The following HMGA2 variants were observed in gnomAD, a reference collection of about 807,000 sequenced individuals.
HMGA2 encodes high mobility group AT-hook 2, also known as high mobility group protein HMGI-C.
Under a neutral mutation model 19.1 loss-of-function variants are expected in HMGA2, and 8 were observed. The ratio of observed to expected loss-of-function variants is 0.42; its 90% confidence interval spans 0.25 to 0.76. The LOEUF (loss-of-function observed/expected upper bound fraction) is 0.76, where lower values mean the gene tolerates loss of function less well. Ranked by LOEUF, HMGA2 falls within the 30% of genes least tolerant of loss-of-function variation. The probability of loss-of-function intolerance (pLI) is 0.28; values close to 1 mark genes in which losing one functional copy is unlikely to be tolerated. For missense variants in HMGA2, 109 were observed against 136.3 expected (o/e 0.80, Z 1.00); for synonymous variants, 60 against 48.8 (o/e 1.23, Z -0.96).
intron 3 of HMGA2, among the ~76,000 whole-genome samples, chr12:65,868,478 G>C (rs546826214): frequency 1.3e-5 from 2 of 152,002 alleles, no homozygotes; most frequent in African/African-American, 4.8e-5. Flanking sequence ...ATTACTCTCC[G>C]GGCTTTGCTG....
chr12:65,959,896 T>A (rs906252654), intron 4 of HMGA2, among the ~76,000 whole-genome samples: 3 of 152,216 alleles, frequency 2.0e-5, no homozygotes, highest in African/African-American at 7.2e-5. Flanking sequence ...TTCTTTTTTT[T>A]TCTTTTTATT....
At chr12:65,854,341 C>T (rs962620027) in intron 3 of HMGA2, among the ~76,000 whole-genome samples, 8 of 152,068 alleles carry the variant, frequency 5.3e-5, no homozygotes, top group Non-Finnish European at 1.2e-4. Flanking sequence ...AAAAATTAGC[C>T]CCCTTTTCTT....
chr12:65,962,249 C>A (rs1876772792), intron 4 of HMGA2, among the ~76,000 whole-genome samples: 2 of 152,144 alleles, frequency 1.3e-5, no homozygotes, highest in Non-Finnish European at 2.9e-5. Context: ...TCCGCTTTAC[C>A]ACCCATGTCC....
chr12:65,848,858 G>T (rs376057183), intron 3 of HMGA2, among the ~76,000 whole-genome samples: 1 of 151,682 alleles, frequency 6.6e-6, no homozygotes, highest in South Asian at 2.1e-4. Flanking sequence ...GCGAGACTCC[G>T]TCTCAAAAAA....
chr12:65,875,463 GC>G lies in HMGA2; in HGVS notation c.249+36897del, dbSNP rs1298229419. On this transcript the variant is annotated intron_variant, in intron 3 of 4. Transcript: ENST00000403681. Reference sequence around the variant, plus strand: ...TTTTGAGACAAAGTCTTTCTCTGTTGCCCAGGCTGGAGTGCAGTGGTGTGAT... The same window carrying G: ...TTTTGAGACAAAGTCTTTCTCTGTTGCCAGGCTGGAGTGCAGTGGTGTGAT... Among the ~76,000 whole-genome samples the G allele has an allele frequency of 3.3e-5, 5 of 152,082 alleles. No homozygotes were observed. The East Asian group carries it at 9.7e-4, about 29-fold the overall frequency.
chr12:65,837,205 T>C (rs928594135), intron 2 of HMGA2, among the ~76,000 whole-genome samples: 1 of 152,216 alleles, frequency 6.6e-6, no homozygotes, highest in African/African-American at 2.4e-5. Context: ...ATTACAGTCA[T>C]ATAGAGTTTG....
chr12:65,838,638 GT>G, intron 3 of HMGA2, 69 bp downstream of exon 3: 1 of 1,111,018 alleles, frequency 9.0e-7, no homozygotes, highest in Non-Finnish European at 1.3e-6. Flanking sequence ...AATGAGAAAA[GT>G]TTTATTTCGT....
chr12:65,959,880 CTTTTTTTCTT>C (rs893634913), intron 4 of HMGA2, among the ~76,000 whole-genome samples: 4 of 152,030 alleles, frequency 2.6e-5, no homozygotes, highest in African/African-American at 4.8e-5. Flanking sequence ...ACGGCCATGT[CTTTTTTTCTT>C]TTTTTTTCTT....
chr12:65,847,796 C>T (rs930724383), intron 3 of HMGA2, among the ~76,000 whole-genome samples: 2 of 152,208 alleles, frequency 1.3e-5, no homozygotes, highest in African/African-American at 4.8e-5. Context: ...AGTACAGTCT[C>T]AGGCCCATAA....
chr12:65,850,944 A>C (rs1286085406), intron 3 of HMGA2, among the ~76,000 whole-genome samples: 1 of 152,210 alleles, frequency 6.6e-6, no homozygotes, highest in Non-Finnish European at 1.5e-5. Context: ...TTCTCCTTTT[A>C]CGGTTCTTAG....
At chr12:65,955,506 A>G (rs1876581199) in intron 4 of HMGA2, 1 of 152,130 alleles carries the variant, frequency 6.6e-6, no homozygotes, top group African/African-American at 2.4e-5. Flanking sequence ...GACTCCCTAA[A>G]TGTAATTCAG....
chr12:65,852,160 C>G lies in HMGA2; in HGVS notation c.249+13591C>G, dbSNP rs74715166. Among the ~76,000 whole-genome samples, 988 of 150,206 alleles carry G rather than the reference C, an allele frequency of 6.6e-3. 16 individuals are homozygous for G. The highest frequency in any genetic ancestry group is 0.023 in the African/African-American group (934 of 41,112). On this transcript the variant is annotated intron_variant, in intron 3 of 4. Coordinates refer to ENST00000403681, the MANE Select transcript of HMGA2 (RefSeq NM_003483.6). ...ACAAATAATTTGTACAAATAAAGCA[C>G]CTTGCAATCATAAGGTAACAGCAGT...
chr12:65,876,550 C>A (rs533702239), intron 3 of HMGA2, among the ~76,000 whole-genome samples: 18 of 152,270 alleles, frequency 1.2e-4, no homozygotes, highest in South Asian at 6.2e-4. Flanking sequence ...CCTACAACCC[C>A]AGAAAGAGAT....
chr12:65,838,941 G>T (rs751617399), intron 3 of HMGA2, among the ~76,000 whole-genome samples: 6 of 144,190 alleles, frequency 4.2e-5, no homozygotes, highest in Non-Finnish European at 7.5e-5. Flanking sequence ...CATACACAAT[G>T]TGTATGTGAT....
intron 3 of HMGA2, among the ~76,000 whole-genome samples, chr12:65,888,865 G>C (rs571287053): frequency 6.6e-6 from 1 of 151,810 alleles, no homozygotes; most frequent in Non-Finnish European, 1.5e-5. Context: ...GCCCGGCCCC[G>C]TGGTGTGCTA....
intron 3 of HMGA2, among the ~76,000 whole-genome samples, chr12:65,884,132 C>G (rs555853973): frequency 6.6e-6 from 1 of 152,306 alleles, no homozygotes; most frequent in African/African-American, 2.4e-5. Context: ...TCCCAAAGTG[C>G]TGGGATTACA....
intron 3 of HMGA2, among the ~76,000 whole-genome samples, chr12:65,855,458 T>TCACACA (rs3048829): frequency 0.13 from 18,174 of 140,104 alleles, 1,580 homozygotes; most frequent in South Asian, 0.26. Context: ...TCTCTCTCTC[T>TCACACA]CACACACACA....
intron 3 of HMGA2, among the ~76,000 whole-genome samples, chr12:65,860,973 A>T (rs1872029628): frequency 6.6e-6 from 1 of 152,214 alleles, no homozygotes; most frequent in Admixed American, 6.5e-5. Context: ...ATGGTGTTTG[A>T]CTTCATGGCA....
chr12:65,829,766 T>C (rs80209231), intron 2 of HMGA2, among the ~76,000 whole-genome samples: 6,300 of 152,094 alleles, frequency 0.041, 387 homozygotes, highest in African/African-American at 0.14. Flanking sequence ...TCCGCTTCAT[T>C]TTAAAAAGCT....
Sources: allele counts gnomAD v4.1 joint callset (sites outside exome capture counted in the v4.1 genomes callset), GRCh38; gene constraint gnomAD v4.1.1; transcripts MANE v1.5; gene names NCBI Gene and HGNC (gene_info 2026-07-23, HGNC 2026-07-21).